The following FAR2 variants were observed in gnomAD, a reference collection of about 807,000 sequenced individuals.
FAR2 encodes fatty acyl-CoA reductase 2.
FAR2 carries 19 observed loss-of-function variants against 56.0 expected under a neutral mutation model. The ratio of observed to expected loss-of-function variants is 0.34; its 90% CI spans 0.24 to 0.50. FAR2 has a LOEUF of 0.50. Ranked by LOEUF, FAR2 falls within the 20% of genes least tolerant of loss-of-function variation. The pLI is 0.98. For synonymous variants in FAR2, 219 were observed against 218.8 expected, an observed-to-expected ratio of 1.00 and a Z score of -0.01; for missense variants, 508 against 642.2, an observed-to-expected ratio of 0.79 and a Z score of 2.26.
chr12:29,199,881 A>T (rs1947384477), intron 1 of FAR2, among the ~76,000 whole-genome samples: 1 of 152,196 alleles, frequency 6.6e-6, no homozygotes, highest in African/African-American at 2.4e-5. Flanking sequence ...GGCATTAATC[A>T]GGATTAGAGA....
In FAR2 at chr12:29,321,925, G is replaced by A; in HGVS notation, c.1257+1G>A. 1 of 1,611,520 alleles carries A rather than the reference G, an allele frequency of 6.2e-7. No individual in the cohort carries two copies. The highest frequency in any genetic ancestry group is 8.5e-7 in the Non-Finnish European group (1 of 1,178,680). ...TGAGCTGAGTCCTGAAGACCAGAGA[G>A]TAAGTAGAGCACTGACTTAAGCACC... On this transcript the variant is annotated splice_donor_variant, in intron 10 of 11. Transcript: ENST00000536681. LOFTEE classifies it high-confidence loss of function.
chr12:29,175,453 C>G (rs890293124), intron 1 of FAR2, among the ~76,000 whole-genome samples: 2 of 152,164 alleles, frequency 1.3e-5, no homozygotes, highest in South Asian at 4.1e-4. Context: ...GGTGTGGACC[C>G]AAAGAGTGAG....
chr12:29,180,721 TTATCTATCTATCTATCTATCTATC>T (rs59448421), intron 1 of FAR2, among the ~76,000 whole-genome samples: 1 of 146,478 alleles, frequency 6.8e-6, no homozygotes, highest in Non-Finnish European at 1.5e-5. Flanking sequence ...TATTCATTGT[TTATCTATCTATCTATCTATCTATC>T]TATCTATCTA....
intron 1 of FAR2, among the ~76,000 whole-genome samples, chr12:29,252,177 G>T (rs1276382051): frequency 6.6e-6 from 1 of 152,180 alleles, no homozygotes; most frequent in East Asian, 1.9e-4. Context: ...ACTCCACAGT[G>T]GAGGTAAGGA....
intron 1 of FAR2, among the ~76,000 whole-genome samples, chr12:29,199,328 G>A (rs1438285093): frequency 6.6e-6 from 1 of 152,140 alleles, no homozygotes; most frequent in Non-Finnish European, 1.5e-5. Context: ...AGCCGGGCGC[G>A]GTGGCTCACG....
At chr12:29,196,376 G>A (rs146025004) in intron 1 of FAR2, among the ~76,000 whole-genome samples, 2 of 152,154 alleles carry the variant, frequency 1.3e-5, no homozygotes, top group African/African-American at 2.4e-5. Context: ...TTAAATAGTA[G>A]CCATTCTGAC....
At chr12:29,313,344 G>A (rs1182170383) in intron 8 of FAR2, among the ~76,000 whole-genome samples, 1 of 152,062 alleles carries the variant, frequency 6.6e-6, no homozygotes, top group East Asian at 1.9e-4. Flanking sequence ...CCTATGAACC[G>A]GTGATTCTTG....
intron 4 of FAR2, among the ~76,000 whole-genome samples, chr12:29,297,984 C>G (rs1367771491): frequency 1.4e-5 from 2 of 145,906 alleles, no homozygotes; most frequent in African/African-American, 5.1e-5. Flanking sequence ...TGCAATGAGC[C>G]GAGATTGTGC....
intron 1 of FAR2, among the ~76,000 whole-genome samples, chr12:29,260,112 G>A (rs1297670682): frequency 2.0e-5 from 3 of 152,096 alleles, no homozygotes; most frequent in African/African-American, 7.2e-5. Context: ...TATATTATGA[G>A]TTAACAATTC....
intron 4 of FAR2, among the ~76,000 whole-genome samples, chr12:29,298,640 A>T (rs1949110626): frequency 6.6e-6 from 1 of 152,218 alleles, no homozygotes; most frequent in South Asian, 2.1e-4. Flanking sequence ...GGATAGTGGG[A>T]GAAAAAGCAG....
chr12:29,164,498 A>G (rs1949809179), intron 1 of FAR2, among the ~76,000 whole-genome samples: 1 of 152,006 alleles, frequency 6.6e-6, no homozygotes, highest in South Asian at 2.1e-4. Flanking sequence ...CCTAGTTTCC[A>G]TCTCCCTCAC....
chr12:29,209,053 C>A (rs892057360), intron 1 of FAR2, among the ~76,000 whole-genome samples: 1 of 150,036 alleles, frequency 6.7e-6, no homozygotes, highest in Admixed American at 6.7e-5. Context: ...GAAATTCAGG[C>A]AGGAGGTAAT....
At chr12:29,151,625 G>A (rs1281400853) in intron 1 of FAR2, 3 of 152,160 alleles carry the variant, frequency 2.0e-5, no homozygotes, top group Non-Finnish European at 4.4e-5. Context: ...CTGACCCCAG[G>A]CTGACAAACT....
At chr12:29,324,784 A>C (rs578023687) in intron 10 of FAR2, among the ~76,000 whole-genome samples, 1 of 152,348 alleles carries the variant, frequency 6.6e-6, no homozygotes, top group South Asian at 2.1e-4. Context: ...GATACCAGCC[A>C]CTGCAAAAAC....
chr12:29,204,850 A>C (rs1947461264), intron 1 of FAR2, among the ~76,000 whole-genome samples: 1 of 152,132 alleles, frequency 6.6e-6, no homozygotes, highest in Non-Finnish European at 1.5e-5. Context: ...CTATCACGGG[A>C]ACAGCACCAA....
At chr12:29,172,950 T>C (rs1949902839) in intron 1 of FAR2, among the ~76,000 whole-genome samples, 1 of 152,164 alleles carries the variant, frequency 6.6e-6, no homozygotes, top group Non-Finnish European at 1.5e-5. Context: ...GGTAGGGAAT[T>C]TGTCCCTTTC....
intron 1 of FAR2, among the ~76,000 whole-genome samples, chr12:29,220,437 A>G (rs752819411): frequency 6.6e-6 from 1 of 152,230 alleles, no homozygotes; most frequent in African/African-American, 2.4e-5. Flanking sequence ...GTGCTCTTAA[A>G]TGACTTGCTA....
rs768573644 is a variant in FAR2 at position 29,333,627 on chromosome 12, C to T, written c.1386-5C>T. The T allele has an allele frequency of 1.2e-5, 19 of 1,611,010 alleles. No homozygotes were observed. The highest frequency in any genetic ancestry group is 1.7e-4 in the Middle Eastern group (1 of 6,056). The stretch of plus-strand genomic sequence containing the variant: ...TAACTTTGGTTATGTCTGTCTGTTC[C>T]CTAGGCTCCGAAATATTCACTACCT... On this transcript the variant is annotated splice_polypyrimidine_tract_variant and splice_region_variant and intron_variant, in intron 11 of 11. Transcript: ENST00000536681.
At chr12:29,199,524 C>CG (rs1477915316) in intron 1 of FAR2, among the ~76,000 whole-genome samples, 2 of 149,380 alleles carry the variant, frequency 1.3e-5, no homozygotes, top group African/African-American at 5.0e-5. Flanking sequence ...GGCGTGAACC[C>CG]GGGAGGCGGA....
Sources: gnomAD v4.1 joint callset for allele counts (sites outside exome capture counted in the v4.1 genomes callset) on GRCh38, gnomAD v4.1.1 for gene constraint, MANE v1.5 for transcripts, NCBI Gene and HGNC (gene_info 2026-07-23, HGNC 2026-07-21) for gene names.